GPC5: variants seen among roughly 807,000 people sequenced by gnomAD.
The protein encoded by GPC5 is glypican 5, also known as glypican-5.
A neutral mutation model predicts 53.9 loss-of-function variants in GPC5; 47 were observed. The ratio of observed to expected loss-of-function variants is 0.87; its 90% CI spans 0.69 to 1.11. The LOEUF (loss-of-function observed/expected upper bound fraction) is 1.11, where lower values mean the gene tolerates loss of function less well. Ranked by LOEUF, GPC5 falls within the 50% of genes most tolerant of loss-of-function variation. GPC5 has a pLI of 0.00. For synonymous variants in GPC5, 286 were observed against 263.3 expected, an observed-to-expected ratio of 1.09 and a Z score of -0.84; for missense variants, 748 against 713.1, an observed-to-expected ratio of 1.05 and a Z score of -0.56.
At chr13:91,994,350 T>C (rs565884482) in intron 6 of GPC5, among the ~76,000 whole-genome samples, 7 of 152,314 alleles carry the variant, frequency 4.6e-5, no homozygotes, top group Non-Finnish European at 1.0e-4. Flanking sequence ...AAGCTACAAA[T>C]ATATATGTTG....
At chr13:92,608,285 A>G (rs1003097516) in intron 7 of GPC5, among the ~76,000 whole-genome samples, 1 of 152,144 alleles carries the variant, frequency 6.6e-6, no homozygotes, top group African/African-American at 2.4e-5. Context: ...TTAACTGTTA[A>G]TTGTGCACAG....
intron 7 of GPC5, among the ~76,000 whole-genome samples, chr13:92,407,734 G>A (rs773024070): frequency 1.3e-5 from 2 of 151,982 alleles, no homozygotes; most frequent in Non-Finnish European, 2.9e-5. Context: ...TTAAAGACTT[G>A]AGGAAAAATA....
At chr13:92,462,786 G>A (rs954783968) in intron 7 of GPC5, among the ~76,000 whole-genome samples, 3 of 149,564 alleles carry the variant, frequency 2.0e-5, no homozygotes, top group Admixed American at 6.7e-5. Context: ...GCATGATCTC[G>A]GTTCACTGCA....
chr13:91,951,338 T>C (rs2040024078), intron 6 of GPC5, among the ~76,000 whole-genome samples: 1 of 152,156 alleles, frequency 6.6e-6, no homozygotes, highest in Admixed American at 6.6e-5. Flanking sequence ...TGTGTGTATA[T>C]ATATGCATGT....
chr13:92,197,840 C>T (rs1325876871), intron 7 of GPC5, among the ~76,000 whole-genome samples: 1 of 151,822 alleles, frequency 6.6e-6, no homozygotes, highest in African/African-American at 2.4e-5. Flanking sequence ...AGATAAAATC[C>T]AGATGTCTTA....
chr13:92,639,117 G>T (rs1480191446), intron 7 of GPC5, among the ~76,000 whole-genome samples: 1 of 152,074 alleles, frequency 6.6e-6, no homozygotes, highest in African/African-American at 2.4e-5. Flanking sequence ...TTTTAGTAAA[G>T]GGCTCAGAAA....
chr13:92,653,562 A>T (rs1886028972), intron 7 of GPC5, among the ~76,000 whole-genome samples: 1 of 152,226 alleles, frequency 6.6e-6, no homozygotes, highest in Admixed American at 6.5e-5. Context: ...GGGGATAATT[A>T]AAGAGAATGT....
rs1267676418 is a variant in GPC5, at chr13:92,144,948, C to T, written c.1520C>T (p.Ser507Leu). 2.5e-6 allele frequency: 4 copies of T among 1,575,472 alleles called. No homozygotes were observed. The highest frequency in any genetic ancestry group is 3.4e-6 in the Non-Finnish European group (4 of 1,164,302). The change falls in exon 7 of 8, where the codon TCA becomes TTA. Residue 507 changes from serine (S) to leucine (L), a missense_variant. Physicochemically the swap from Ser to Leu is moderately radical, Grantham distance 145. Transcript: ENST00000377067. ...DCDDEDGCGGSGSGEVKRTLK... is the reference protein window; with the variant it reads ...DCDDEDGCGGLGSGEVKRTLK... The stretch of plus-strand genomic sequence containing the variant: ...GATGATGAAGATGGTTGCGGGGGAT[C>T]AGGAAGTGGAGAAGTCAAGAGGACA...
chr13:91,890,005 C>T (rs888319214), intron 5 of GPC5, among the ~76,000 whole-genome samples: 8 of 152,050 alleles, frequency 5.3e-5, no homozygotes, highest in African/African-American at 1.9e-4. Flanking sequence ...ATATATGTGC[C>T]ATAGTCAACT....
At chr13:92,606,092 T>A (rs1199151346) in intron 7 of GPC5, among the ~76,000 whole-genome samples, 7 of 152,132 alleles carry the variant, frequency 4.6e-5, no homozygotes, top group Non-Finnish European at 1.5e-5. Flanking sequence ...CTTTCTTTTT[T>A]TTATTATTAT....
At chr13:92,048,657 A>G (rs1393890685) in intron 6 of GPC5, among the ~76,000 whole-genome samples, 1 of 152,250 alleles carries the variant, frequency 6.6e-6, no homozygotes, top group Admixed American at 6.5e-5. Context: ...CCAGTCATCC[A>G]TGAACTTTCC....
At chr13:91,920,709 C>T (rs1182004066) in intron 6 of GPC5, among the ~76,000 whole-genome samples, 1 of 152,060 alleles carries the variant, frequency 6.6e-6, no homozygotes, top group Admixed American at 6.6e-5. Flanking sequence ...CATAAAAAAA[C>T]AGGCATCAGA....
At chr13:91,659,900 A>C (rs2034943791) in intron 2 of GPC5, among the ~76,000 whole-genome samples, 1 of 152,204 alleles carries the variant, frequency 6.6e-6, no homozygotes. Flanking sequence ...AAATCAGAAC[A>C]AACAAAGCCT....
intron 3 of GPC5, among the ~76,000 whole-genome samples, chr13:91,703,209 A>G (rs558857289): frequency 2.0e-5 from 3 of 152,160 alleles, no homozygotes; most frequent in East Asian, 3.9e-4. Context: ...TTCAAGTACT[A>G]TGTTGAATAG....
At chr13:92,199,871 T>C (rs573029710) in intron 7 of GPC5, among the ~76,000 whole-genome samples, 1 of 152,286 alleles carries the variant, frequency 6.6e-6, no homozygotes, top group East Asian at 1.9e-4. Context: ...GTATATAACA[T>C]CGTGTCTCAG....
chr13:92,724,358 C>T (rs976166272), intron 7 of GPC5, among the ~76,000 whole-genome samples: 3 of 151,590 alleles, frequency 2.0e-5, no homozygotes, highest in African/African-American at 7.2e-5. Flanking sequence ...CACTTACCTT[C>T]TTTATCATGT....
intron 6 of GPC5, among the ~76,000 whole-genome samples, chr13:92,038,970 C>T (rs916858939): frequency 2.0e-5 from 3 of 152,122 alleles, no homozygotes; most frequent in Admixed American, 6.5e-5. Flanking sequence ...GAAAGGATAT[C>T]AGAGGAAAGA....
In GPC5 at chr13:92,861,896, A is replaced by AT. The variant is rs1269342355; in HGVS notation, c.1562-4380dup. Among the ~76,000 whole-genome samples the AT allele has an allele frequency of 2.2e-4, 34 of 152,202 alleles. No individual in the cohort carries two copies. In the South Asian group the frequency reaches 4.1e-3, roughly 19 times the overall value. On this transcript the variant is annotated intron_variant, in intron 7 of 7. Transcript: ENST00000377067. ...ATGCTATGGGATAAAATTCTAGCTT[A>AT]TTTTTTCAAATATTGATTTAATAAT...
intron 6 of GPC5, among the ~76,000 whole-genome samples, chr13:92,053,536 G>T (rs930218362): frequency 1.3e-5 from 2 of 151,918 alleles, no homozygotes; most frequent in South Asian, 2.1e-4. Context: ...TTCCGTTTTA[G>T]ATTTTGGTTT....
Sources: allele counts gnomAD v4.1 joint callset (sites outside exome capture counted in the v4.1 genomes callset), GRCh38; gene constraint gnomAD v4.1.1; transcripts MANE v1.5; gene names NCBI Gene and HGNC (gene_info 2026-07-23, HGNC 2026-07-21).